Variants in RNASEH2C observed in about 807,000 individuals in gnomAD.
RNASEH2C encodes ribonuclease H2 subunit C.
A neutral mutation model predicts 16.3 loss-of-function variants in RNASEH2C; 20 were observed. The ratio of observed to expected loss-of-function variants is 1.23; its 90% confidence interval spans 0.86 to 1.79. RNASEH2C has a LOEUF of 1.79. Ranked by LOEUF, RNASEH2C falls within the 40% of genes most tolerant of loss-of-function variation. The pLI is 0.00. For missense variants in RNASEH2C, 296 were observed against 235.9 expected (o/e 1.25, Z -1.67); for synonymous variants, 106 against 98.9 (o/e 1.07, Z -0.43).
In RNASEH2C at chr11:65,719,136, T is replaced by C; in HGVS notation, c.*647A>G. ...GGCTCCTGCGGATCGACTCCAAGTGTCTGCACTTCACTCCCAAGGACTGGA... is the reference window on the plus strand; with the variant it reads ...GGCTCCTGCGGATCGACTCCAAGTGCCTGCACTTCACTCCCAAGGACTGGA... On this transcript the variant is annotated 3_prime_UTR_variant, in exon 4 of 4. Coordinates refer to ENST00000308418, the MANE Select transcript of RNASEH2C (RefSeq NM_032193.4). 1.9e-6 allele frequency: 3 copies of C among 1,614,172 alleles called. No homozygotes were observed. Among genetic ancestry groups the C allele is most frequent in the Non-Finnish European group, 2.5e-6 (3 of 1,180,028 alleles).
In RNASEH2C at chr11:65,720,669, AT is replaced by A. The variant is rs1448162779; in HGVS notation, c.89del (p.His30LeufsTer54). The A allele has an allele frequency of 6.3e-7, 1 of 1,598,536 alleles. No individual in the cohort carries two copies. The highest frequency in any genetic ancestry group is 8.5e-7 in the Non-Finnish European group (1 of 1,175,266). On this transcript the variant is annotated frameshift_variant, in exon 1 of 4. Coordinates refer to ENST00000308418, the MANE Select transcript of RNASEH2C (RefSeq NM_032193.4). LOFTEE classifies it high-confidence loss of function. ...CCACCGCAACCTCGCAGGGCAGCAG[AT>A]GCAGTGTGGCGGGTACGGCGTCGCG... ...TLRDAVPATL[H>X]LLPCEVAVDG...
At position 65,720,514 on chromosome 11, in the gene RNASEH2C, G is replaced by C. The variant is rs774904876; in HGVS notation, c.172+73C>G. The C allele has an allele frequency of 7.7e-6, 12 of 1,560,414 alleles. No individual in the cohort carries two copies. The Admixed American group carries it at 2.2e-4, about 29-fold the overall frequency. ...CCTCCGGACGGACCACGATCCCCAG[G>C]AGCCCAGGCGATGAGAAGCGCGCAG... is the stretch of plus-strand genomic sequence containing the variant. On this transcript the variant is annotated intron_variant, in intron 1 of 3. Coordinates refer to ENST00000308418, the MANE Select transcript of RNASEH2C (RefSeq NM_032193.4).
chr11:65,719,195 A>G lies in RNASEH2C; in HGVS notation c.*588T>C, dbSNP rs781241858. The stretch of plus-strand genomic sequence containing the variant: ...GGGAAGTGGTGACCAGACACTGCCC[A>G]CTGCAGTGCCAAGACGGCAGCAGGA... On this transcript the variant is annotated 3_prime_UTR_variant, in exon 4 of 4. Transcript: ENST00000308418. 2.3e-5 allele frequency: 37 copies of G among 1,612,380 alleles called. No individual in the cohort carries two copies. The Admixed American group carries it at 6.0e-4, about 26-fold the overall frequency.
Position 65,720,632 on chromosome 11 carries a change from G to A in RNASEH2C, c.127C>T (p.Pro43Ser). The A allele has an allele frequency of 6.4e-7, 1 of 1,559,824 alleles. No homozygotes were observed. ...GCGGGCGTGAAGAAGCGCCCCACCG[G>A]GGCGGGCCCGTCCACCGCAACCTCG... ...PCEVAVDGPAPVGRFFTPAIR... is the reference protein window; with the variant it reads ...PCEVAVDGPASVGRFFTPAIR... Residue 43 changes from proline (P) to serine (S), a missense_variant, in exon 1 of 4, where the codon CCG becomes TCG. By Grantham distance (74) the Pro-to-Ser change is moderately conservative (BLOSUM62 -1). Transcript: ENST00000308418.
At chr11:65,719,896 G>C in intron 3 of RNASEH2C, 87 bp from the exon 4 acceptor site, 1 of 1,604,314 alleles carries the variant, frequency 6.2e-7, no homozygotes, top group Non-Finnish European at 8.5e-7. Context: ...CAGCTGTTCA[G>C]AATAACCGCT....
chr11:65,719,415 G>T lies in RNASEH2C; in HGVS notation c.*368C>A, dbSNP rs1857321788. 8.2e-6 allele frequency: 5 copies of T among 611,848 alleles called. No homozygotes were observed. The South Asian group carries it at 9.9e-5, about 12-fold the overall frequency. The allele number at this position is 611,848 out of a possible 1,614,324, so 37.9% of individuals were successfully genotyped here. ...AGGCCCAGGCCTCCTCTGAAGCAGG[G>T]ACCAGAGGGAGCCAGGCAGCTGTGT... On this transcript the variant is annotated 3_prime_UTR_variant, in exon 4 of 4. Transcript: ENST00000308418.
chr11:65,720,497 C>T, intron 1 of RNASEH2C, 80 bp from the exon 2 acceptor site: 2 of 1,583,470 alleles, frequency 1.3e-6, no homozygotes, highest in Non-Finnish European at 8.6e-7. Flanking sequence ...CACCTCCGGA[C>T]GGACCACGAT....
In RNASEH2C at chr11:65,720,624, C is replaced by T; in HGVS notation, c.135G>A (p.Gly45=). 1 of 1,551,594 alleles carries T rather than the reference C, an allele frequency of 6.4e-7. No individual in the cohort carries two copies. The highest frequency in any genetic ancestry group is 1.2e-5 in the South Asian group (1 of 85,550). ...EVAVDGPAPV[G]RFFTPAIRQG... ...GGCGGATGGCGGGCGTGAAGAAGCG[C>T]CCCACCGGGGCGGGCCCGTCCACCG... Residue 45 remains glycine (G), a synonymous_variant, in exon 1 of 4, where the codon GGG becomes GGA. Coordinates refer to ENST00000308418, the MANE Select transcript of RNASEH2C (RefSeq NM_032193.4).
Position 65,718,868 on chromosome 11 carries a change from C to G in RNASEH2C, c.*915G>C. 1 of 1,614,124 alleles carries G rather than the reference C, an allele frequency of 6.2e-7. No homozygotes were observed. The highest frequency in any genetic ancestry group is 1.1e-5 in the South Asian group (1 of 91,084). On this transcript the variant is annotated 3_prime_UTR_variant, in exon 4 of 4. Coordinates refer to ENST00000308418, the MANE Select transcript of RNASEH2C (RefSeq NM_032193.4). ...TCAGGGAACCTGACCTGTGCTCTCC[C>G]ACAGTGAGATTAGTGAAATCACCAG...
At position 65,720,083 on chromosome 11, in the gene RNASEH2C, C is replaced by G; in HGVS notation, c.430G>C (p.Val144Leu). 1.2e-6 allele frequency: 2 copies of G among 1,614,172 alleles called. No homozygotes were observed. Among genetic ancestry groups the G allele is most frequent in the Non-Finnish European group, 1.7e-6 (2 of 1,180,048 alleles). The change falls in exon 3 of 4, where the codon GTG becomes CTG. Residue 144 changes from valine to leucine, a missense_variant. By Grantham distance (32) the Val-to-Leu change is conservative. Coordinates refer to ENST00000308418, the MANE Select transcript of RNASEH2C (RefSeq NM_032193.4). ...LETIPGPDAK[V>L]RGALTWPSLA... ...CTGGGCCAAGTTAAGGCCCCACGCA[C>G]TTTGGCATCCGGGCCAGGGATGGTC...
chr11:65,720,164 C>G lies in RNASEH2C; in HGVS notation c.349G>C (p.Asp117His), dbSNP rs768923856. Residue 117 changes from aspartate (D) to histidine (H), a missense_variant and splice_region_variant, in exon 3 of 4, where the codon GAC becomes CAC. Asp to His is a moderately conservative substitution (Grantham distance 81). Coordinates refer to ENST00000308418, the MANE Select transcript of RNASEH2C (RefSeq NM_032193.4). ...TTGGCAGTGGCTCCAATGAAGCGGT[C>G]CTGGGGAAGGGGCCTGGCTCAGCAT... ...QEEEPLERDF[D>H]RFIGATANFS... 6.2e-7 allele frequency: 1 copy of G among 1,614,256 alleles called. No homozygotes were observed. Among genetic ancestry groups the G allele is most frequent in the Non-Finnish European group, 8.5e-7 (1 of 1,180,034 alleles).
Position 65,718,935 on chromosome 11 carries a change from A to G in RNASEH2C, c.*848T>C, listed in dbSNP as rs200625753. 36 of 1,614,066 alleles carry G rather than the reference A, an allele frequency of 2.2e-5. No homozygotes were observed. Among genetic ancestry groups the G allele is most frequent in the African/African-American group, 1.1e-4 (8 of 74,930 alleles). ...GTCATCTCCACTCTGCAGTACCTCA[A>G]TCTCATCAACTACTACAAGGTAGGG... On this transcript the variant is annotated 3_prime_UTR_variant, in exon 4 of 4. Transcript: ENST00000308418.
Position 65,720,598 on chromosome 11 carries a change from T to C in RNASEH2C, c.161A>G (p.Gln54Arg). 1 of 1,537,864 alleles carries C rather than the reference T, an allele frequency of 6.5e-7. No homozygotes were observed. Among genetic ancestry groups the C allele is most frequent in the Non-Finnish European group, 8.7e-7 (1 of 1,145,624 alleles). Residue 54 changes from glutamine (Q) to arginine (R), a missense_variant, in exon 1 of 4, where the codon CAG (glutamine) becomes CGG (arginine). Transcript: ENST00000308418. ...VGRFFTPAIR[Q>R]GPEGLEVSFR... Reference sequence around the variant, plus strand: ...GCCGCAGGGCTCACCCTCGGGGCCCTGGCGGATGGCGGGCGTGAAGAAGCG... The same window carrying C: ...GCCGCAGGGCTCACCCTCGGGGCCCCGGCGGATGGCGGGCGTGAAGAAGCG...
chr11:65,718,922 C>T lies in RNASEH2C; in HGVS notation c.*861G>A, dbSNP rs1295881956. The T allele has an allele frequency of 3.1e-6, 5 of 1,614,180 alleles. No homozygotes were observed. Among genetic ancestry groups the T allele is most frequent in the Non-Finnish European group, 4.2e-6 (5 of 1,180,020 alleles). ...CAAGAAGGAGGATGTCATCTCCACT[C>T]TGCAGTACCTCAATCTCATCAACTA... is the stretch of plus-strand genomic sequence containing the variant. On this transcript the variant is annotated 3_prime_UTR_variant, in exon 4 of 4. Transcript: ENST00000308418.
chr11:65,718,511 C>G lies in RNASEH2C; in HGVS notation c.*1272G>C. 2.0e-6 allele frequency: 3 copies of G among 1,497,020 alleles called. No homozygotes were observed. The highest frequency in any genetic ancestry group is 2.7e-6 in the Non-Finnish European group (3 of 1,096,746). 92.7% of individuals were successfully genotyped at this position (1,497,020 alleles called of 1,614,324 possible). On this transcript the variant is annotated 3_prime_UTR_variant, in exon 4 of 4. Coordinates refer to ENST00000308418, the MANE Select transcript of RNASEH2C (RefSeq NM_032193.4). ...CCATGATAGGAACTAGGCAGCCTGC[C>G]TTGGCAACCTGTGTTTTTAAATGTT...
rs3177082 is a variant in RNASEH2C, at chr11:65,719,595, C to T, written c.*188G>A. 1 of 699,312 alleles carries T rather than the reference C, an allele frequency of 1.4e-6. No homozygotes were observed. Among genetic ancestry groups the T allele is most frequent in the Admixed American group, 2.3e-5 (1 of 43,110 alleles). 43.3% of individuals were successfully genotyped at this position (699,312 alleles called of 1,614,324 possible). A position where few individuals can be genotyped will look rare whatever the true frequency, so the allele number is the denominator to read the frequency against. The stretch of plus-strand genomic sequence containing the variant: ...TATTGCCCCCGGCAATAAATTGTTT[C>T]TATATGCCAGAGCCATGCAAAGTTC... On this transcript the variant is annotated 3_prime_UTR_variant, in exon 4 of 4. Coordinates refer to ENST00000308418, the MANE Select transcript of RNASEH2C (RefSeq NM_032193.4).
In RNASEH2C at chr11:65,718,818, G is replaced by A. The variant is rs1399701872; in HGVS notation, c.*965C>T. 3 of 1,613,504 alleles carry A rather than the reference G, an allele frequency of 1.9e-6. No individual in the cohort carries two copies. Among genetic ancestry groups the A allele is most frequent in the East Asian group, 2.2e-5 (1 of 44,888 alleles). On this transcript the variant is annotated 3_prime_UTR_variant, in exon 4 of 4. Transcript: ENST00000308418. ...TCTGTTCCTGGGCTTTCTCTCTCAG[G>A]GCTCCTGGGGACAGATAAAGGTCCT... is the stretch of plus-strand genomic sequence containing the variant.
chr11:65,720,201 C>G (rs1292073473), intron 2 of RNASEH2C, 37 bp from the exon 3 acceptor site: 3 of 1,614,134 alleles, frequency 1.9e-6, no homozygotes, highest in Non-Finnish European at 2.5e-6. Context: ...GGGACTACAG[C>G]TCCCGCCCGC....
In RNASEH2C at chr11:65,718,182, A is replaced by C. The variant is rs978887859; in HGVS notation, c.*1601T>G. On this transcript the variant is annotated 3_prime_UTR_variant, in exon 4 of 4. Transcript: ENST00000308418. ...CCAGCTAGGAGGACTTTGAGAATTCAAGCATTCTCAGGTCTGGATTAGAGA... is the reference window on the plus strand; with the variant it reads ...CCAGCTAGGAGGACTTTGAGAATTCCAGCATTCTCAGGTCTGGATTAGAGA... 1.2e-5 allele frequency: 2 copies of C among 163,020 alleles called. No individual in the cohort carries two copies. Among genetic ancestry groups the C allele is most frequent in the African/African-American group, 4.8e-5 (2 of 41,670 alleles). 10.1% of individuals were successfully genotyped at this position (163,020 alleles called of 1,614,324 possible). A position where few individuals can be genotyped will look rare whatever the true frequency, so the allele number is the denominator to read the frequency against.
Sources: allele counts gnomAD v4.1 joint callset, GRCh38; gene constraint gnomAD v4.1.1; transcripts MANE v1.5; gene names NCBI Gene and HGNC (gene_info 2026-07-23, HGNC 2026-07-21).